USP49: variants seen among roughly 807,000 people sequenced by gnomAD.
The protein encoded by USP49 is ubiquitin carboxyl-terminal hydrolase 49.
USP49 carries 24 observed loss-of-function variants against 58.6 expected under a neutral mutation model. The ratio of observed to expected loss-of-function variants is 0.41; its 90% CI spans 0.30 to 0.58. The LOEUF (loss-of-function observed/expected upper bound fraction) is 0.58, where lower values mean the gene tolerates loss of function less well. Among genes scored for constraint, USP49 ranks in the 20% least tolerant of loss-of-function variants. The probability of loss-of-function intolerance (pLI) is 0.30; values close to 1 mark genes in which losing one functional copy is unlikely to be tolerated. For synonymous variants in USP49, 408 were observed against 365.1 expected (o/e 1.12, Z -1.34); for missense variants, 703 against 866.1 (o/e 0.81, Z 2.36).
rs576057616 is a variant in USP49 at position 41,848,424 on chromosome 6, T to TGGCACTATCATGGTTCAGTGCAGC, written c.-29+23116_-29+23139dup. Reference sequence around the variant, plus strand: ...CGCTGTTACCCAGGCTACAGTGCAGTGGCACTATCATGGTTCAGTGCAGCC... The same window carrying TGGCACTATCATGGTTCAGTGCAGC: ...CGCTGTTACCCAGGCTACAGTGCAGTGGCACTATCATGGTTCAGTGCAGCGGCACTATCATGGTTCAGTGCAGCC... On this transcript the variant is annotated intron_variant, in intron 3 of 7. Coordinates refer to ENST00000682992, the MANE Select transcript of USP49 (RefSeq NM_001286554.2). Among the ~76,000 whole-genome samples, 929 of 152,198 alleles carry TGGCACTATCATGGTTCAGTGCAGC rather than the reference T, an allele frequency of 6.1e-3. 8 individuals are homozygous for TGGCACTATCATGGTTCAGTGCAGC. Among genetic ancestry groups the TGGCACTATCATGGTTCAGTGCAGC allele is most frequent in the African/African-American group, 0.02 (810 of 41,536 alleles).
intron 2 of USP49, chr6:41,874,226 T>G (rs1774462969): frequency 6.6e-6 from 1 of 152,236 alleles, no homozygotes; most frequent in Admixed American, 6.5e-5. Context: ...TGTTTTCTAA[T>G]CTACTTCACA....
Position 41,794,968 on chromosome 6 carries a change from C to G in USP49, c.*1565G>C, listed in dbSNP as rs920582274. On this transcript the variant is annotated 3_prime_UTR_variant, in exon 8 of 8. Transcript: ENST00000682992. ...GAGGTCAACAGCAAATGCTACAGATCTGTGTGGGAAATGTGGCTCATCAAC... is the reference window on the plus strand; with the variant it reads ...GAGGTCAACAGCAAATGCTACAGATGTGTGTGGGAAATGTGGCTCATCAAC... The G allele has an allele frequency of 6.6e-6, 1 of 152,220 alleles. No individual in the cohort carries two copies. The highest frequency in any genetic ancestry group is 2.4e-5 in the African/African-American group (1 of 41,448). The allele number at this position is 152,220 out of a possible 1,614,324, so 9.4% of individuals were successfully genotyped here. A position where few individuals can be genotyped will look rare whatever the true frequency, so the allele number is the denominator to read the frequency against.
chr6:41,806,041 G>C lies in USP49; in HGVS notation c.943C>G (p.Leu315Val), dbSNP rs1773114981. The change falls in exon 4 of 8, where the codon CTG becomes GTG. Residue 315 changes from leucine (L) to valine (V), a missense_variant. Physicochemically the swap from Leu to Val is conservative, Grantham distance 32 (BLOSUM62 1). Transcript: ENST00000682992. This position sits in a 1 kb window ranked among gnomAD's most constrained non-coding sequence, Gnocchi z 5.9. ...TCGGCCCTGTCATTTCTCAAGGACAGCTCCGTGGCCGAGCTGTTGGTTGGC... is the reference window on the plus strand; with the variant it reads ...TCGGCCCTGTCATTTCTCAAGGACACCTCCGTGGCCGAGCTGTTGGTTGGC... The part of the protein sequence containing the change: ...GKPTNSSATE[L>V]SLRNDRAEAC... The C allele has an allele frequency of 1.2e-6, 2 of 1,613,920 alleles. No homozygotes were observed. The highest frequency in any genetic ancestry group is 1.7e-5 in the Admixed American group (1 of 60,002).
At chr6:41,874,580 A>G (rs890124739) in intron 2 of USP49, among the ~76,000 whole-genome samples, 6 of 152,164 alleles carry the variant, frequency 3.9e-5, no homozygotes, top group Non-Finnish European at 1.5e-5. Flanking sequence ...TTTTATTCCA[A>G]TTTGACAGAT....
At position 41,834,831 on chromosome 6, in the gene USP49, T is replaced by C. The variant is rs912898210; in HGVS notation, c.-28-27820A>G. Among the ~76,000 whole-genome samples the C allele has an allele frequency of 3.3e-5, 5 of 152,208 alleles. No individual in the cohort carries two copies. In the South Asian group the frequency reaches 8.3e-4, roughly 25 times the overall value. ...TTACCCAGTCTCAGGTATTTCTTTATAGCAATGTGAGAATGGACTAATACA... is the reference window on the plus strand; with the variant it reads ...TTACCCAGTCTCAGGTATTTCTTTACAGCAATGTGAGAATGGACTAATACA... On this transcript the variant is annotated intron_variant, in intron 3 of 7. Coordinates refer to ENST00000682992, the MANE Select transcript of USP49 (RefSeq NM_001286554.2).
intron 3 of USP49, among the ~76,000 whole-genome samples, chr6:41,864,504 C>T (rs1370826250): frequency 6.6e-6 from 1 of 152,016 alleles, no homozygotes; most frequent in Non-Finnish European, 1.5e-5. Flanking sequence ...CGGAGGTTGC[C>T]GTGAGCTGAG....
intron 7 of USP49, 71 bp downstream of exon 7, chr6:41,798,653 G>A: frequency 6.2e-7 from 1 of 1,608,668 alleles, no homozygotes; most frequent in Non-Finnish European, 8.5e-7. Context: ...GGAAATAAAA[G>A]GAAAACAATA....
chr6:41,838,971 T>C (rs1388451852), intron 3 of USP49, among the ~76,000 whole-genome samples: 1 of 152,196 alleles, frequency 6.6e-6, no homozygotes, highest in Non-Finnish European at 1.5e-5. Flanking sequence ...TGAATAATCT[T>C]TGGGTCAACA....
At chr6:41,885,832 C>T (rs1561927632) in intron 2 of USP49, among the ~76,000 whole-genome samples, 1 of 152,042 alleles carries the variant, frequency 6.6e-6, no homozygotes, top group Non-Finnish European at 1.5e-5. Flanking sequence ...CCTTGGCCTC[C>T]CAATGTGCTG....
intron 3 of USP49, among the ~76,000 whole-genome samples, chr6:41,824,402 G>C (rs1480791832): frequency 6.6e-6 from 1 of 151,290 alleles, no homozygotes; most frequent in African/African-American, 2.4e-5. Context: ...GTCCAATTTA[G>C]ATGTTTAAAA....
intron 3 of USP49, among the ~76,000 whole-genome samples, chr6:41,845,392 G>A (rs2127348196): frequency 6.6e-6 from 1 of 152,200 alleles, no homozygotes; most frequent in East Asian, 1.9e-4. Context: ...CGGGTATGGT[G>A]GCGCACACCT....
At chr6:41,882,963 G>C (rs1487226973) in intron 2 of USP49, among the ~76,000 whole-genome samples, 1 of 151,712 alleles carries the variant, frequency 6.6e-6, no homozygotes, top group Non-Finnish European at 1.5e-5. Flanking sequence ...GTTAACAGAT[G>C]ACATCCCAGA....
intron 3 of USP49, among the ~76,000 whole-genome samples, chr6:41,829,604 C>T (rs1773601819): frequency 1.3e-5 from 2 of 152,164 alleles, no homozygotes; most frequent in South Asian, 2.1e-4. Context: ...TGAGCCACCG[C>T]GCCTGGCGGA....
chr6:41,839,431 A>G (rs1431787635), intron 3 of USP49, among the ~76,000 whole-genome samples: 1 of 148,630 alleles, frequency 6.7e-6, no homozygotes, highest in African/African-American at 2.5e-5. Flanking sequence ...AAAAAAAAAA[A>G]AAAAAGTCTG....
chr6:41,878,684 T>A (rs72867166), intron 2 of USP49, among the ~76,000 whole-genome samples: 9,212 of 152,296 alleles, frequency 0.06, 360 homozygotes, highest in Non-Finnish European at 0.089. Flanking sequence ...GCACTTCTTA[T>A]AAATACTATA....
At chr6:41,872,282 G>A (rs1259167608) in intron 2 of USP49, among the ~76,000 whole-genome samples, 3 of 152,232 alleles carry the variant, frequency 2.0e-5, no homozygotes, top group South Asian at 4.1e-4. Context: ...ACCACTGTAA[G>A]AGGAAAGAAA....
chr6:41,811,311 C>T (rs569641430), intron 3 of USP49, among the ~76,000 whole-genome samples: 1 of 152,242 alleles, frequency 6.6e-6, no homozygotes, highest in South Asian at 2.1e-4. Context: ...TCTGAGGTTT[C>T]GGTCACCTGT....
chr6:41,817,706 C>T (rs887632799), intron 3 of USP49, among the ~76,000 whole-genome samples: 5 of 151,678 alleles, frequency 3.3e-5, no homozygotes, highest in Admixed American at 1.3e-4. Context: ...ACCTCTGCCC[C>T]GCAGGTTCAA....
At chr6:41,866,012 C>T (rs1161705423) in intron 3 of USP49, among the ~76,000 whole-genome samples, 1 of 149,776 alleles carries the variant, frequency 6.7e-6, no homozygotes, top group African/African-American at 2.5e-5. Context: ...ACCTCCGCCT[C>T]CCAAGTTCAA....
Sources: allele counts gnomAD v4.1 joint callset (sites outside exome capture counted in the v4.1 genomes callset), GRCh38; gene constraint gnomAD v4.1.1; non-coding constraint Gnocchi (gnomAD v3.1); transcripts MANE v1.5; gene names NCBI Gene and HGNC (gene_info 2026-07-23, HGNC 2026-07-21).